Variants in RUNX2 observed in about 807,000 individuals in gnomAD.
RUNX2 encodes RUNX family transcription factor 2, also known as runt-related transcription factor 2.
In RUNX2, 10 loss-of-function variants were observed where a neutral mutation model predicts 51.7. The ratio of observed to expected loss-of-function variants is 0.19; its 90% confidence interval spans 0.12 to 0.33. RUNX2 has a LOEUF of 0.33. Ranked by LOEUF, RUNX2 falls within the 10% of genes least tolerant of loss-of-function variation. The probability of loss-of-function intolerance (pLI) is 1.00; values close to 1 mark genes in which losing one functional copy is unlikely to be tolerated. For missense variants in RUNX2, 562 were observed against 691.3 expected, an observed-to-expected ratio of 0.81 and a Z score of 2.10; for synonymous variants, 276 against 273.6, an observed-to-expected ratio of 1.01 and a Z score of -0.09.
intron 6 of RUNX2, among the ~76,000 whole-genome samples, chr6:45,497,044 G>C (rs1247493484): frequency 6.6e-6 from 1 of 152,116 alleles, no homozygotes; most frequent in Non-Finnish European, 1.5e-5. Flanking sequence ...GTGGGGCTGG[G>C]GAGCTCAGAG....
intron 7 of RUNX2, among the ~76,000 whole-genome samples, chr6:45,517,521 T>G (rs773508636): frequency 1.2e-4 from 19 of 152,054 alleles, no homozygotes; most frequent in Admixed American, 2.6e-4. Flanking sequence ...ATTTATGGGG[T>G]TTTTGTTTGT....
intron 2 of RUNX2, among the ~76,000 whole-genome samples, chr6:45,369,736 G>C (rs1795737048): frequency 6.6e-6 from 1 of 152,118 alleles, no homozygotes; most frequent in Admixed American, 6.6e-5. Flanking sequence ...ATATAGTAGT[G>C]ACTAAGTCAG....
intron 2 of RUNX2, among the ~76,000 whole-genome samples, chr6:45,362,359 GAA>G (rs1794411084): frequency 6.6e-6 from 1 of 152,160 alleles, no homozygotes; most frequent in Non-Finnish European, 1.5e-5. Context: ...GCAGAGGACT[GAA>G]AAGCAGCAAT....
chr6:45,492,713 C>T (rs777684320), intron 6 of RUNX2, among the ~76,000 whole-genome samples: 3 of 152,178 alleles, frequency 2.0e-5, no homozygotes, highest in Non-Finnish European at 4.4e-5. Flanking sequence ...AAATTAACAT[C>T]GGCATTACAT....
intron 3 of RUNX2, among the ~76,000 whole-genome samples, chr6:45,427,104 A>G (rs1257567696): frequency 6.6e-6 from 1 of 152,176 alleles, no homozygotes; most frequent in Non-Finnish European, 1.5e-5. Context: ...AAACTTATTT[A>G]AAGTTAAATA....
intron 5 of RUNX2, among the ~76,000 whole-genome samples, chr6:45,479,036 G>T (rs1253837303): frequency 6.6e-6 from 1 of 152,056 alleles, no homozygotes; most frequent in African/African-American, 2.4e-5. Context: ...TAAGGTGCAC[G>T]CAATAGGACA....
chr6:45,383,187 C>T (rs909430387), intron 2 of RUNX2, among the ~76,000 whole-genome samples: 1 of 152,122 alleles, frequency 6.6e-6, no homozygotes, highest in Non-Finnish European at 1.5e-5. Flanking sequence ...ATAATTCCAG[C>T]ACTTTGGGAG....
chr6:45,350,664 T>A (rs2150185349), intron 2 of RUNX2, among the ~76,000 whole-genome samples: 1 of 152,296 alleles, frequency 6.6e-6, no homozygotes, highest in Non-Finnish European at 1.5e-5. Flanking sequence ...GCTGCTAAGA[T>A]GTGGTCATAA....
At chr6:45,369,256 C>T (rs1795646554) in intron 2 of RUNX2, among the ~76,000 whole-genome samples, 1 of 151,938 alleles carries the variant, frequency 6.6e-6, no homozygotes, top group Admixed American at 6.6e-5. Context: ...AACCTTTACC[C>T]CTACAGTTCT....
chr6:45,413,178 T>C (rs1463039275), intron 2 of RUNX2, among the ~76,000 whole-genome samples: 2 of 152,222 alleles, frequency 1.3e-5, no homozygotes, highest in African/African-American at 4.8e-5. Context: ...GCCCCAAGTG[T>C]AATGTGTTTG....
chr6:45,434,074 A>T (rs936425468), intron 4 of RUNX2, among the ~76,000 whole-genome samples: 1 of 152,124 alleles, frequency 6.6e-6, no homozygotes, highest in Non-Finnish European at 1.5e-5. Flanking sequence ...GAGAAAGAAA[A>T]ATTGATTTAT....
intron 2 of RUNX2, among the ~76,000 whole-genome samples, chr6:45,402,896 G>A (rs899020999): frequency 2.0e-4 from 31 of 151,940 alleles, no homozygotes; most frequent in African/African-American, 4.4e-4. Flanking sequence ...CCCCTATCCC[G>A]CAAACAAACA....
At chr6:45,499,947 C>A (rs1215488750) in intron 6 of RUNX2, among the ~76,000 whole-genome samples, 2 of 152,130 alleles carry the variant, frequency 1.3e-5, no homozygotes, top group East Asian at 3.8e-4. Flanking sequence ...TATATATGTA[C>A]ACCCACGTGT....
chr6:45,470,719 T>C (rs1264278284), intron 5 of RUNX2, among the ~76,000 whole-genome samples: 1 of 152,236 alleles, frequency 6.6e-6, no homozygotes, highest in Admixed American at 6.5e-5. Context: ...AAACTGTGCC[T>C]TTTTGTAGCA....
intron 2 of RUNX2, among the ~76,000 whole-genome samples, chr6:45,390,929 T>C (rs1410466989): frequency 6.6e-6 from 1 of 152,204 alleles, no homozygotes; most frequent in Non-Finnish European, 1.5e-5. Context: ...ACTTTATTAT[T>C]ATAGATTGGC....
chr6:45,533,888 CTTTTTTTTTTTTT>C (rs553154980), intron 7 of RUNX2, among the ~76,000 whole-genome samples: 5 of 108,110 alleles, frequency 4.6e-5, no homozygotes, highest in African/African-American at 1.5e-4. Flanking sequence ...CCTGTTGAGA[CTTTTTTTTTTTTT>C]TTTTTTTTTT....
chr6:45,422,488 T>TC, intron 2 of RUNX2, 105 bp from the exon 3 acceptor site: 5 of 324,336 alleles, frequency 1.5e-5, no homozygotes, highest in East Asian at 1.4e-4. Context: ...TCCCCCCGTC[T>TC]CGCCTTCACC....
intron 2 of RUNX2, among the ~76,000 whole-genome samples, chr6:45,392,957 G>T (rs1467591985): frequency 6.6e-6 from 1 of 151,758 alleles, no homozygotes; most frequent in Non-Finnish European, 1.5e-5. Flanking sequence ...AGGCTCACAG[G>T]TTCTTTGTCC....
At chr6:45,520,392 T>C (rs1281853193) in intron 7 of RUNX2, among the ~76,000 whole-genome samples, 1 of 152,200 alleles carries the variant, frequency 6.6e-6, no homozygotes, top group East Asian at 1.9e-4. Context: ...CATCTACTGT[T>C]TGGTGGTCAT....
Sources: allele counts gnomAD v4.1 joint callset (sites outside exome capture counted in the v4.1 genomes callset), GRCh38; gene constraint gnomAD v4.1.1; transcripts MANE v1.5; gene names NCBI Gene and HGNC (gene_info 2026-07-23, HGNC 2026-07-21).